Variants in CEP85 observed in about 807,000 individuals in gnomAD.
The protein encoded by CEP85 is centrosomal protein 85.
CEP85 carries 58 observed loss-of-function variants against 93.7 expected under a neutral mutation model. The observed-to-expected ratio is 0.62, with a 90% confidence interval of 0.50 to 0.77. CEP85 has a LOEUF of 0.77. Among genes scored for constraint, CEP85 ranks in the 30% least tolerant of loss-of-function variants. The pLI, the probability that CEP85 is intolerant of heterozygous loss-of-function variation, is 0.00. For missense variants in CEP85, 868 were observed against 922.0 expected, an observed-to-expected ratio of 0.94 and a Z score of 0.76; for synonymous variants, 314 against 338.6, an observed-to-expected ratio of 0.93 and a Z score of 0.80.
chr1:26,246,881 A>G (rs1475038235), intron 3 of CEP85, among the ~76,000 whole-genome samples: 1 of 152,170 alleles, frequency 6.6e-6, no homozygotes, highest in Non-Finnish European at 1.5e-5. Flanking sequence ...AAAAAAAGCC[A>G]GACACAAAAG....
At chr1:26,251,457 A>C (rs2089614410) in intron 3 of CEP85, among the ~76,000 whole-genome samples, 1 of 150,572 alleles carries the variant, frequency 6.6e-6, no homozygotes, top group African/African-American at 2.5e-5. Flanking sequence ...CTCCACGTTG[A>C]TCAGGCTGGT....
At position 26,255,731 on chromosome 1, in the gene CEP85, G is replaced by T; in HGVS notation, c.769G>T (p.Gly257Trp). Residue 257 changes from glycine to tryptophan, a missense_variant, in exon 4 of 14, where the codon GGG (glycine) becomes TGG (tryptophan). Transcript: ENST00000451429. ...VLPLGLQPAPGLSKPLPSQVW... is the reference protein window; with the variant it reads ...VLPLGLQPAPWLSKPLPSQVW... ...CCCTTTGGGACTCCAGCCTGCTCCC[G>T]GGCTCTCCAAGCCTCTGCCCTCTCA... The T allele has an allele frequency of 1.2e-6, 2 of 1,614,056 alleles. No homozygotes were observed. Among genetic ancestry groups the T allele is most frequent in the Non-Finnish European group, 1.7e-6 (2 of 1,179,998 alleles).
At chr1:26,274,663 C>T (rs2090027255) in intron 11 of CEP85, among the ~76,000 whole-genome samples, 1 of 152,102 alleles carries the variant, frequency 6.6e-6, no homozygotes, top group Admixed American at 6.5e-5. Flanking sequence ...GCCAGTCATT[C>T]ATCGTGACGG....
intron 5 of CEP85, among the ~76,000 whole-genome samples, 156 bp downstream of exon 5, chr1:26,257,886 A>G (rs113440916): frequency 1.3e-5 from 2 of 152,216 alleles, no homozygotes; most frequent in East Asian, 3.8e-4. Context: ...CTAGTCGTGT[A>G]TATATAACTA....
At chr1:26,277,037 C>T in intron 13 of CEP85, 99 bp from the exon 14 acceptor site, 5 of 1,278,596 alleles carry the variant, frequency 3.9e-6, no homozygotes, top group East Asian at 2.3e-5. Flanking sequence ...GTGCATGTCC[C>T]AAGACTGTGG....
Position 26,276,694 on chromosome 1 carries a change from TG to T in CEP85, c.2063del (p.Cys688LeufsTer4), listed in dbSNP as rs2090057698. The T allele has an allele frequency of 6.2e-7, 1 of 1,614,212 alleles. No individual in the cohort carries two copies. Among genetic ancestry groups the T allele is most frequent in the East Asian group, 2.2e-5 (1 of 44,886 alleles). On this transcript the variant is annotated frameshift_variant, in exon 13 of 14. Transcript: ENST00000451429. LOFTEE classifies it high-confidence loss of function. The stretch of plus-strand genomic sequence containing the variant: ...TTGCCTTCAAGATCTGCAGGCTGTC[TG>T]TAGCATTGTGACCCAGAGGGCCCAG... ...ASCLQDLQAVCSIVTQRAQGH... is the reference protein window; with the variant it reads ...ASCLQDLQAVXSIVTQRAQGH...
chr1:26,264,489 C>T (rs567902911), intron 7 of CEP85, among the ~76,000 whole-genome samples: 2 of 152,202 alleles, frequency 1.3e-5, no homozygotes, highest in Admixed American at 6.5e-5. Context: ...GCTGAGATCA[C>T]GCCACTGCAT....
In CEP85 at chr1:26,269,602, C is replaced by G. The variant is rs369158632; in HGVS notation, c.1637C>G (p.Ser546Cys). Residue 546 changes from serine to cysteine, a missense_variant, in exon 9 of 14, where the codon TCC (serine) becomes TGC (cysteine). By Grantham distance (112) the Ser-to-Cys change is moderately radical (BLOSUM62 -1). Coordinates refer to ENST00000451429, the MANE Select transcript of CEP85 (RefSeq NM_001319944.2). The part of the protein sequence containing the change: ...SLRQREAEFS[S>C]AGHSLQDKQS... ...AGGCAGAGAGAAGCAGAATTCTCCT[C>G]CGCTGGACATAGGTAAATAACCCTG... 6.2e-7 allele frequency: 1 copy of G among 1,613,222 alleles called. No homozygotes were observed. Among genetic ancestry groups the G allele is most frequent in the Non-Finnish European group, 8.5e-7 (1 of 1,179,606 alleles).
rs748406698 is a variant in CEP85, at chr1:26,255,673, G to T, written c.711G>T (p.Arg237=). 6.2e-7 allele frequency: 1 copy of T among 1,614,150 alleles called. No individual in the cohort carries two copies. The highest frequency in any genetic ancestry group is 1.7e-5 in the Admixed American group (1 of 60,012). Residue 237 remains arginine, a synonymous_variant, in exon 4 of 14, where the codon CGG becomes CGT. Coordinates refer to ENST00000451429, the MANE Select transcript of CEP85 (RefSeq NM_001319944.2). The part of the protein sequence containing the change: ...KAPGSGAVFE[R]NGPHSNSSGV... ...CGGGCAGCGGGGCAGTGTTTGAGCG[G>T]AATGGACCACATTCTAATAGCAGTG...
intron 1 of CEP85, among the ~76,000 whole-genome samples, chr1:26,239,148 A>C (rs1355006503): frequency 6.6e-6 from 1 of 152,222 alleles, no homozygotes; most frequent in Admixed American, 6.5e-5. Flanking sequence ...TTTAAATTTT[A>C]TAAAAATCAG....
chr1:26,259,873 C>A, intron 7 of CEP85, 71 bp downstream of exon 7: 1 of 1,317,236 alleles, frequency 7.6e-7, no homozygotes, highest in Non-Finnish European at 1.0e-6. Context: ...AAAGCCTAAG[C>A]TGTTTCTGGC....
rs190602261 is a variant in CEP85, at chr1:26,273,043, C to T, written c.1794+972C>T. On this transcript the variant is annotated intron_variant, in intron 11 of 13. Transcript: ENST00000451429. ...CCAGGGGGACTGTTGGAGAAATTCT[C>T]GTGAGAGGTGATGAGGGAACCTGGC... Among the ~76,000 whole-genome samples, 174 of 152,162 alleles carry T rather than the reference C, an allele frequency of 1.1e-3. 1 individual carries two copies. Among genetic ancestry groups the T allele is most frequent in the African/African-American group, 4.1e-3 (169 of 41,516 alleles).
chr1:26,257,261 C>T (rs1013682518), intron 4 of CEP85, among the ~76,000 whole-genome samples: 4 of 152,124 alleles, frequency 2.6e-5, no homozygotes, highest in Admixed American at 2.0e-4. Context: ...CCTTGTGCTG[C>T]TGAAGAGTGG....
chr1:26,238,340 A>G (rs763497860), intron 1 of CEP85, among the ~76,000 whole-genome samples: 218 of 150,868 alleles, frequency 1.4e-3, no homozygotes, highest in Non-Finnish European at 2.2e-3. Flanking sequence ...AGCTGGGATT[A>G]CAGGCGCCTG....
Position 26,258,213 on chromosome 1 carries a change from T to C in CEP85, c.1108T>C (p.Leu370=), listed in dbSNP as rs1250195616. The change falls in exon 6 of 14, where the codon TTG becomes CTG. Residue 370 remains leucine, a synonymous_variant. Coordinates refer to ENST00000451429, the MANE Select transcript of CEP85 (RefSeq NM_001319944.2). Reference sequence around the variant, plus strand: ...CGAACTGCAAGTCCACAGTGCCCTCTTGGGCCGCCCTGCCCCCTTTGGTGA... The same window carrying C: ...CGAACTGCAAGTCCACAGTGCCCTCCTGGGCCGCCCTGCCCCCTTTGGTGA... ...ESELQVHSAL[L]GRPAPFGDVC... is the part of the protein sequence containing the mutation. The C allele has an allele frequency of 6.2e-7, 1 of 1,614,032 alleles. No individual in the cohort carries two copies.
In CEP85 at chr1:26,258,132, G is replaced by A. The variant is rs761302260; in HGVS notation, c.1038-11G>A. ...ATCAGGACCCTGACCTGATTCTACC[G>A]GCTTGTGCAGGCAGAGGAAACACAT... is the stretch of plus-strand genomic sequence containing the variant. On this transcript the variant is annotated splice_polypyrimidine_tract_variant and intron_variant, in intron 5 of 13. Transcript: ENST00000451429. The A allele has an allele frequency of 2.2e-5, 35 of 1,603,844 alleles. No individual in the cohort carries two copies. The highest frequency in any genetic ancestry group is 6.6e-5 in the South Asian group (6 of 90,832).
chr1:26,256,024 A>G (rs1227594574), intron 4 of CEP85, among the ~76,000 whole-genome samples, 159 bp downstream of exon 4: 1 of 152,222 alleles, frequency 6.6e-6, no homozygotes, highest in Non-Finnish European at 1.5e-5. Flanking sequence ...TGGCCATTGA[A>G]TCTGTTTGGT....
intron 4 of CEP85, 71 bp from the exon 5 acceptor site, chr1:26,257,526 G>A (rs142063072): frequency 2.5e-6 from 4 of 1,575,096 alleles, no homozygotes; most frequent in Non-Finnish European, 3.5e-6. Flanking sequence ...AGACCCAGCT[G>A]ATTACTGCTC....
intron 3 of CEP85, among the ~76,000 whole-genome samples, chr1:26,250,764 A>G (rs921340279): frequency 6.6e-6 from 1 of 152,122 alleles, no homozygotes; most frequent in Non-Finnish European, 1.5e-5. Flanking sequence ...TACCTGAGAC[A>G]GTGTAACTTA....
Sources: gnomAD v4.1 joint callset for allele counts (sites outside exome capture counted in the v4.1 genomes callset) on GRCh38, gnomAD v4.1.1 for gene constraint, MANE v1.5 for transcripts, NCBI Gene and HGNC (gene_info 2026-07-23, HGNC 2026-07-21) for gene names.